RIPOR2: variants seen among roughly 807,000 people sequenced by gnomAD.
RIPOR2 encodes the protein RHO family interacting cell polarization regulator 2.
RIPOR2 carries 39 observed loss-of-function variants against 114.5 expected under a neutral mutation model. The ratio of observed to expected loss-of-function variants is 0.34; its 90% confidence interval spans 0.26 to 0.44. The LOEUF is 0.44. Among genes scored for constraint, RIPOR2 ranks in the 20% least tolerant of loss-of-function variants. The pLI is 1.00. For missense variants in RIPOR2, 1,007 were observed against 1,255.1 expected, an observed-to-expected ratio of 0.80 and a Z score of 2.99; for synonymous variants, 445 against 484.4, an observed-to-expected ratio of 0.92 and a Z score of 1.07.
In RIPOR2 at chr6:24,870,888, C is replaced by T. The variant is rs752182462; in HGVS notation, c.425G>A (p.Gly142Asp). 1.9e-6 allele frequency: 3 copies of T among 1,590,512 alleles called. No homozygotes were observed. Among genetic ancestry groups the T allele is most frequent in the Non-Finnish European group, 2.6e-6 (3 of 1,168,574 alleles). Residue 142 changes from glycine to aspartate, a missense_variant and splice_region_variant, in exon 5 of 22, where the codon GGT becomes GAT. Transcript: ENST00000643898. ...LKDMKRNSRL[G>D]VLYDLDKQIK... ...TACCTTGTCTAGGTCATACAGTACA[C>T]CCTACAATAAAAAAAGGAATATCTG...
intron 1 of RIPOR2, among the ~76,000 whole-genome samples, chr6:24,981,368 G>A (rs558756648): frequency 4.9e-4 from 74 of 152,326 alleles, no homozygotes; most frequent in African/African-American, 1.7e-3. Flanking sequence ...GGGGAGGAAA[G>A]AGATAAGTTT....
intron 1 of RIPOR2, among the ~76,000 whole-genome samples, chr6:24,980,328 GGGAAAGCTTCCTT>G (rs1193601987): frequency 1.5e-4 from 23 of 152,320 alleles, no homozygotes; most frequent in African/African-American, 5.3e-4. Context: ...CTGTTATAGT[GGGAAAGCTTCCTT>G]GGACATCTAT....
chr6:25,015,785 C>T (rs1000717908), intron 1 of RIPOR2: 1 of 150,324 alleles, frequency 6.7e-6, no homozygotes, highest in African/African-American at 2.5e-5. Context: ...GGAGAAAATA[C>T]TCATATATTG....
chr6:24,934,993 T>C (rs1296399651), intron 1 of RIPOR2, among the ~76,000 whole-genome samples: 1 of 151,738 alleles, frequency 6.6e-6, no homozygotes, highest in African/African-American at 2.4e-5. Context: ...GAGTGCCAAG[T>C]ATGTGTGAGG....
chr6:24,987,860 G>A (rs1007257630), intron 1 of RIPOR2, among the ~76,000 whole-genome samples: 23 of 152,126 alleles, frequency 1.5e-4, no homozygotes, highest in South Asian at 8.3e-4. Flanking sequence ...TGATAATGCC[G>A]ATAATAAAAA....
At chr6:24,897,011 G>C (rs1488449761) in intron 1 of RIPOR2, among the ~76,000 whole-genome samples, 2 of 152,196 alleles carry the variant, frequency 1.3e-5, no homozygotes, top group Non-Finnish European at 2.9e-5. Context: ...TCTATGATAT[G>C]ATTGTGAGCT....
chr6:24,886,966 G>T (rs759338655), intron 1 of RIPOR2, among the ~76,000 whole-genome samples: 2 of 152,164 alleles, frequency 1.3e-5, no homozygotes, highest in Non-Finnish European at 2.9e-5. Flanking sequence ...CTACTGTAAA[G>T]AAAGAGCTTT....
At chr6:24,880,085 T>C (rs1273935988) in intron 1 of RIPOR2, among the ~76,000 whole-genome samples, 1 of 152,234 alleles carries the variant, frequency 6.6e-6, no homozygotes, top group Non-Finnish European at 1.5e-5. Context: ...TGGCAGTATC[T>C]GTTTAAGCTG....
Position 24,843,451 on chromosome 6 carries a change from G to A in RIPOR2, c.1268C>T (p.Thr423Ile). The A allele has an allele frequency of 1.9e-6, 3 of 1,611,552 alleles. No homozygotes were observed. The South Asian group carries it at 3.3e-5, about 18-fold the overall frequency. The change falls in exon 13 of 22, where the codon ACC becomes ATC. Residue 423 changes from threonine to isoleucine, a missense_variant. Transcript: ENST00000643898. ...SDLPNGDCAL[T>I]SHSTGSPSNS... ...GGAAGGGGAGCCTGTTGAGTGGGAGGTGAGGGCGCAGTCCCCGTTGGGCAG... is the reference window on the plus strand; with the variant it reads ...GGAAGGGGAGCCTGTTGAGTGGGAGATGAGGGCGCAGTCCCCGTTGGGCAG...
upstream of RIPOR2, among the ~76,000 whole-genome samples, chr6:24,940,695 G>T (rs1581845235): frequency 6.6e-6 from 1 of 151,984 alleles, no homozygotes; most frequent in African/African-American, 2.4e-5. Flanking sequence ...GCTCAGGCTG[G>T]CGTGCAGTGG....
At chr6:24,840,646 C>A in intron 13 of RIPOR2, 1 of 1,532,458 alleles carries the variant, frequency 6.5e-7, no homozygotes, top group South Asian at 1.2e-5. Flanking sequence ...CTCTGACACT[C>A]AAGATGGCAC....
At chr6:24,857,822 A>G (rs1763635907) in intron 8 of RIPOR2, among the ~76,000 whole-genome samples, 1 of 152,206 alleles carries the variant, frequency 6.6e-6, no homozygotes. Flanking sequence ...CTAAGGAACT[A>G]CATCCCTTTA....
intron 1 of RIPOR2, among the ~76,000 whole-genome samples, chr6:24,999,695 A>G (rs191630705): frequency 6.6e-6 from 1 of 151,918 alleles, no homozygotes; most frequent in Admixed American, 6.6e-5. Context: ...AGCTGGGACT[A>G]CAGGCGCCCA....
At chr6:24,844,020 A>G (rs529499860) in intron 12 of RIPOR2, among the ~76,000 whole-genome samples, 4 of 152,272 alleles carry the variant, frequency 2.6e-5, no homozygotes, top group African/African-American at 7.2e-5. Flanking sequence ...TTCTGCTTCA[A>G]TTCTCAAAAA....
chr6:25,019,950 T>C (rs1776239356), intron 1 of RIPOR2, among the ~76,000 whole-genome samples: 1 of 151,842 alleles, frequency 6.6e-6, no homozygotes, highest in Admixed American at 6.6e-5. Flanking sequence ...CTACCAAAAC[T>C]GAATACATGG....
chr6:24,838,951 G>T (rs1761364558), intron 14 of RIPOR2, 140 bp downstream of exon 14: 1 of 622,488 alleles, frequency 1.6e-6, no homozygotes, highest in Non-Finnish European at 2.7e-6. Flanking sequence ...CAATAAAAAG[G>T]AACTGTAAGC....
intron 18 of RIPOR2, 71 bp from the exon 19 acceptor site, chr6:24,825,499 T>C (rs972163258): frequency 6.3e-5 from 71 of 1,118,602 alleles, no homozygotes; most frequent in African/African-American, 7.8e-5. Context: ...CAAATATAAA[T>C]AGAACTCAAG....
chr6:24,968,723 C>A (rs1773644907), intron 1 of RIPOR2, among the ~76,000 whole-genome samples: 2 of 152,124 alleles, frequency 1.3e-5, no homozygotes, highest in Admixed American at 1.3e-4. Flanking sequence ...CTTGCAGGAC[C>A]CTGAGAGTGA....
chr6:25,027,471 T>G (rs1776686418), intron 1 of RIPOR2, among the ~76,000 whole-genome samples: 1 of 152,376 alleles, frequency 6.6e-6, no homozygotes, highest in East Asian at 1.9e-4. Flanking sequence ...CAGCGGTTTC[T>G]GTTTCTTTCA....
Sources: allele counts gnomAD v4.1 joint callset (sites outside exome capture counted in the v4.1 genomes callset), GRCh38; gene constraint gnomAD v4.1.1; transcripts MANE v1.5; gene names NCBI Gene and HGNC (gene_info 2026-07-23, HGNC 2026-07-21).